The following TUSC3 variants were observed in gnomAD, a reference collection of about 807,000 sequenced individuals.
TUSC3 encodes the protein dolichyl-diphosphooligosaccharide--protein glycosyltransferase subunit TUSC3.
In TUSC3, 45 loss-of-function variants were observed where a neutral mutation model predicts 44.8. That is an observed-to-expected ratio of 1.00 (90% CI 0.79 to 1.29). The LOEUF (loss-of-function observed/expected upper bound fraction) is 1.29, where lower values mean the gene tolerates loss of function less well. TUSC3 is among the 50% of genes most tolerant of loss of function. TUSC3 has a pLI of 0.00. For synonymous variants in TUSC3, 212 were observed against 152.9 expected (o/e 1.39, Z -2.85); for missense variants, 519 against 437.9 (o/e 1.19, Z -1.65).
intron 1 of TUSC3, among the ~76,000 whole-genome samples, chr8:15,425,151 C>T (rs1472966368): frequency 1.3e-5 from 2 of 152,104 alleles, no homozygotes; most frequent in African/African-American, 4.8e-5. Context: ...AAGGTAATGT[C>T]TTGCAAGCAA....
At chr8:15,588,764 A>G (rs907722490) in intron 1 of TUSC3, among the ~76,000 whole-genome samples, 1 of 152,146 alleles carries the variant, frequency 6.6e-6, no homozygotes, top group East Asian at 1.9e-4. Flanking sequence ...CACTTTCTGC[A>G]TATGGATGGA....
chr8:15,658,187 A>T (rs2129178466), intron 3 of TUSC3, among the ~76,000 whole-genome samples: 1 of 152,356 alleles, frequency 6.6e-6, no homozygotes, highest in Non-Finnish European at 1.5e-5. Flanking sequence ...AAGAGCACTA[A>T]TGTAGATAAC....
chr8:15,806,367 T>C, the TUSC3 span: 1 of 735,674 alleles, frequency 1.4e-6, no homozygotes, highest in Non-Finnish European at 2.6e-6. Flanking sequence ...TTCCAGGTAC[T>C]TGCCCAACTC....
the TUSC3 span, among the ~76,000 whole-genome samples, chr8:15,794,535 G>C: frequency 1.3e-5 from 2 of 152,128 alleles, no homozygotes; most frequent in Non-Finnish European, 2.9e-5. Context: ...CAGGAAGGTA[G>C]GTAAAAGCCA....
At chr8:15,763,855 C>T (rs1391841453) in intron 10 of TUSC3, among the ~76,000 whole-genome samples, 1 of 152,020 alleles carries the variant, frequency 6.6e-6, no homozygotes, top group African/African-American at 2.4e-5. Context: ...ACCCACTTCA[C>T]GCATTTGTTT....
At chr8:15,668,148 T>TGGCATGTAC (rs1335874611) in intron 5 of TUSC3, among the ~76,000 whole-genome samples, 1 of 151,796 alleles carries the variant, frequency 6.6e-6, no homozygotes, top group East Asian at 1.9e-4. Flanking sequence ...CCACAGCATT[T>TGGCATGTAC]AGAATTGTGC....
chr8:15,486,004 G>C (rs1433570874), intron 2 of TUSC3, among the ~76,000 whole-genome samples: 6 of 152,180 alleles, frequency 3.9e-5, no homozygotes, highest in Non-Finnish European at 7.4e-5. Flanking sequence ...ATGTTGGGCA[G>C]GCTGGTCTCA....
At chr8:15,782,197 T>TA in the TUSC3 span, among the ~76,000 whole-genome samples, 1 of 152,076 alleles carries the variant, frequency 6.6e-6, no homozygotes, top group Non-Finnish European at 1.5e-5. Context: ...CTCAGCAAAA[T>TA]ATGAGTAAAC....
At chr8:15,737,030 C>G (rs1375502564) in intron 7 of TUSC3, among the ~76,000 whole-genome samples, 1 of 151,984 alleles carries the variant, frequency 6.6e-6, no homozygotes, top group Non-Finnish European at 1.5e-5. Context: ...AATTTTTATT[C>G]TTATAAAGAT....
chr8:15,696,985 G>C (rs1200067343), intron 6 of TUSC3, among the ~76,000 whole-genome samples: 1 of 152,006 alleles, frequency 6.6e-6, no homozygotes, highest in Non-Finnish European at 1.5e-5. Flanking sequence ...TTATTGGTCT[G>C]CTCAGGGTAT....
rs1450120417 is a variant in TUSC3 at position 15,764,470 on chromosome 8, G to A, written c.*314G>A. On this transcript the variant is annotated 3_prime_UTR_variant, in exon 11 of 11. Coordinates refer to ENST00000503731, the MANE Select transcript of TUSC3 (RefSeq NM_006765.4). Reference sequence around the variant, plus strand: ...TGTGTGCCACAGGATTGAAATAAATGACAATGTAATTATGAATTCATGTTT... The same window carrying A: ...TGTGTGCCACAGGATTGAAATAAATAACAATGTAATTATGAATTCATGTTT... 3 of 414,732 alleles carry A rather than the reference G, an allele frequency of 7.2e-6. No homozygotes were observed. Among genetic ancestry groups the A allele is most frequent in the Non-Finnish European group, 1.4e-5 (3 of 220,500 alleles). The allele number at this position is 414,732 out of a possible 1,614,324, so 25.7% of individuals were successfully genotyped here. A position where few individuals can be genotyped will look rare whatever the true frequency, so the allele number is the denominator to read the frequency against.
chr8:15,477,043 C>A lies in TUSC3; in HGVS notation n.92-6343C>A, dbSNP rs138995588. Among the ~76,000 whole-genome samples, 469 of 152,176 alleles carry A rather than the reference C, an allele frequency of 3.1e-3. 1 individual carries two copies. The highest frequency in any genetic ancestry group is 0.01 in the African/African-American group (429 of 41,542). The stretch of plus-strand genomic sequence containing the variant: ...GAAAGCAACCCATCAGAGGTACTTA[C>A]GATTTTCCATCTGACACTCATCAAA... On this transcript the variant is annotated intron_variant and non_coding_transcript_variant, in intron 1 of 5. Coordinates refer to the TUSC3 transcript ENST00000503191.
intron 10 of TUSC3, among the ~76,000 whole-genome samples, chr8:15,763,387 T>A (rs967575289): frequency 6.6e-6 from 1 of 151,854 alleles, no homozygotes; most frequent in African/African-American, 2.4e-5. Context: ...ACATGTTTTT[T>A]TTTTGATGTT....
intron 2 of TUSC3, among the ~76,000 whole-genome samples, chr8:15,497,054 A>G (rs954437615): frequency 1.4e-4 from 21 of 152,238 alleles, no homozygotes; most frequent in African/African-American, 4.6e-4. Context: ...AAACATAGTA[A>G]ATAAGGAAAT....
At chr8:15,510,830 A>G (rs1319135927) in intron 2 of TUSC3, among the ~76,000 whole-genome samples, 1 of 152,210 alleles carries the variant, frequency 6.6e-6, no homozygotes, top group Non-Finnish European at 1.5e-5. Context: ...CATTCGAAAC[A>G]AAATGTTAGC....
At chr8:15,457,329 A>G (rs900140528) in intron 1 of TUSC3, among the ~76,000 whole-genome samples, 4 of 151,948 alleles carry the variant, frequency 2.6e-5, no homozygotes, top group Admixed American at 2.0e-4. Flanking sequence ...AAATATATAT[A>G]TATTTAAAAA....
At position 15,689,051 on chromosome 8, in the gene TUSC3, A is replaced by G. The variant is rs559581629; in HGVS notation, c.798+15215A>G. 8 of 324,486 alleles carry G rather than the reference A, an allele frequency of 2.5e-5. No individual in the cohort carries two copies. In the East Asian group the frequency reaches 8.1e-4, roughly 33 times the overall value. The allele number at this position is 324,486 out of a possible 1,614,324, so 20.1% of individuals were successfully genotyped here. On this transcript the variant is annotated intron_variant, in intron 6 of 10. Coordinates refer to ENST00000503731, the MANE Select transcript of TUSC3 (RefSeq NM_006765.4). The stretch of plus-strand genomic sequence containing the variant: ...ACCCAGTGCAGGGGGATGACTCGTC[A>G]ATGTCATTTACAAAATCTTCTGCCC...
At chr8:15,513,580 G>C (rs768945284) in intron 2 of TUSC3, among the ~76,000 whole-genome samples, 1 of 152,172 alleles carries the variant, frequency 6.6e-6, no homozygotes, top group Non-Finnish European at 1.5e-5. Context: ...ACGTAATTGA[G>C]AATCTTGATG....
chr8:15,502,120 C>G (rs1433862200), intron 2 of TUSC3, among the ~76,000 whole-genome samples: 1 of 152,114 alleles, frequency 6.6e-6, no homozygotes, highest in Non-Finnish European at 1.5e-5. Context: ...GTTGAAGCAG[C>G]AGAGTTTAAA....
Sources: gnomAD v4.1 joint callset for allele counts (sites outside exome capture counted in the v4.1 genomes callset) on GRCh38, gnomAD v4.1.1 for gene constraint, MANE v1.5 for transcripts, NCBI Gene and HGNC (gene_info 2026-07-23, HGNC 2026-07-21) for gene names.